TAFA2: variants seen among roughly 807,000 people sequenced by gnomAD.
The protein encoded by TAFA2 is chemokine-like protein TAFA-2.
A neutral mutation model predicts 18.8 loss-of-function variants in TAFA2; 7 were observed. The observed-to-expected ratio is 0.37, with a 90% CI of 0.21 to 0.70. The LOEUF (loss-of-function observed/expected upper bound fraction) is 0.70. Among genes scored for constraint, TAFA2 ranks in the 30% least tolerant of loss-of-function variants. TAFA2 has a pLI of 0.53. For missense variants in TAFA2, 122 were observed against 158.1 expected (o/e 0.77, Z 1.23); for synonymous variants, 60 against 54.2 (o/e 1.11, Z -0.47).
At chr12:61,985,534 C>T (rs762131692) in intron 1 of TAFA2, among the ~76,000 whole-genome samples, 13 of 152,126 alleles carry the variant, frequency 8.5e-5, no homozygotes, top group African/African-American at 1.2e-4. Flanking sequence ...GTCAAATTCT[C>T]AAGTTTCTGA....
chr12:62,084,997 ACTC>A (rs1868393202), intron 1 of TAFA2, among the ~76,000 whole-genome samples: 1 of 151,872 alleles, frequency 6.6e-6, no homozygotes. Flanking sequence ...GAAGAACACT[ACTC>A]CTGCTAAACC....
intron 1 of TAFA2, among the ~76,000 whole-genome samples, chr12:61,979,237 C>T (rs1408751375): frequency 6.6e-6 from 1 of 152,106 alleles, no homozygotes; most frequent in African/African-American, 2.4e-5. Context: ...CACTGCATAG[C>T]ACTTTCCACA....
chr12:61,938,819 T>C (rs1877879693), intron 1 of TAFA2, among the ~76,000 whole-genome samples: 1 of 152,034 alleles, frequency 6.6e-6, no homozygotes, highest in African/African-American at 2.4e-5. Context: ...CAAAACCAAA[T>C]ACCTTATGCT....
chr12:62,071,642 A>G (rs1235447818), intron 1 of TAFA2, among the ~76,000 whole-genome samples: 1 of 152,226 alleles, frequency 6.6e-6, no homozygotes, highest in African/African-American at 2.4e-5. Flanking sequence ...TTGGGACATA[A>G]TAATCCATGG....
At chr12:61,731,067 T>G (rs1870423603) in intron 4 of TAFA2, among the ~76,000 whole-genome samples, 1 of 152,110 alleles carries the variant, frequency 6.6e-6, no homozygotes, top group Non-Finnish European at 1.5e-5. Flanking sequence ...TGAGATAAAG[T>G]CAGAAATGGC....
At chr12:62,138,389 C>A (rs2062215017) in intron 1 of TAFA2, among the ~76,000 whole-genome samples, 1 of 152,138 alleles carries the variant, frequency 6.6e-6, no homozygotes, top group South Asian at 2.1e-4. Context: ...ATTTGATATA[C>A]CTTTAATAGC....
chr12:62,032,690 G>A (rs1372811540), intron 1 of TAFA2, among the ~76,000 whole-genome samples: 2 of 151,922 alleles, frequency 1.3e-5, no homozygotes, highest in East Asian at 1.9e-4. Context: ...AAAATCTGTG[G>A]CTCCTTTTTA....
intron 4 of TAFA2, 45 bp from the exon 5 acceptor site, chr12:61,710,462 G>A (rs570943941): frequency 1.4e-4 from 210 of 1,504,614 alleles, no homozygotes; most frequent in South Asian, 1.0e-3. Context: ...ATAACATACC[G>A]ATAATCTTAA....
Position 61,753,766 on chromosome 12 carries a change from T to C in TAFA2, c.260-20A>G, listed in dbSNP as rs763443717. 6.3e-7 allele frequency: 1 copy of C among 1,585,606 alleles called. No homozygotes were observed. The highest frequency in any genetic ancestry group is 8.6e-7 in the Non-Finnish European group (1 of 1,166,792). On this transcript the variant is annotated intron_variant, in intron 3 of 4. Transcript: ENST00000416284. ...TTGAAGCTATAAGAGAGAAAAAAAATTGACTCAACATTTTTTTCTTGGGAC... is the reference window on the plus strand; with the variant it reads ...TTGAAGCTATAAGAGAGAAAAAAAACTGACTCAACATTTTTTTCTTGGGAC...
intron 1 of TAFA2, among the ~76,000 whole-genome samples, chr12:62,010,577 C>A (rs1880705086): frequency 6.6e-6 from 1 of 151,534 alleles, no homozygotes; most frequent in South Asian, 2.1e-4. Flanking sequence ...CCAGCCGCCA[C>A]CCCGTCTGGG....
intron 1 of TAFA2, among the ~76,000 whole-genome samples, chr12:62,112,190 C>T (rs551129540): frequency 1.3e-5 from 2 of 152,248 alleles, no homozygotes; most frequent in Non-Finnish European, 2.9e-5. Flanking sequence ...CTGGTGGTGA[C>T]AAAATCTCTC....
At chr12:62,171,257 A>G (rs2062476242) in intron 1 of TAFA2, among the ~76,000 whole-genome samples, 1 of 152,194 alleles carries the variant, frequency 6.6e-6, no homozygotes, top group Non-Finnish European at 1.5e-5. Flanking sequence ...AAGAAAGAAC[A>G]TAAATAAGCA....
rs147971424 is a variant in TAFA2, at chr12:62,103,296, T to C, written c.-2+87963A>G. On this transcript the variant is annotated intron_variant, in intron 1 of 4. Coordinates refer to ENST00000416284, the MANE Select transcript of TAFA2 (RefSeq NM_178539.5). ...AAATCTGTAATATTTGCTGTATGTC[T>C]AGCTGGATGTTTTCATTTCCAATTT... Among the ~76,000 whole-genome samples, 14 of 152,358 alleles carry C rather than the reference T, an allele frequency of 9.2e-5. No individual in the cohort carries two copies. The East Asian group carries it at 2.7e-3, about 29-fold the overall frequency.
intron 1 of TAFA2, among the ~76,000 whole-genome samples, chr12:62,175,259 T>C (rs1007892824): frequency 5.3e-5 from 8 of 152,170 alleles, no homozygotes; most frequent in African/African-American, 1.9e-4. Context: ...AACATCTCAT[T>C]GGAAAATTAG....
intron 1 of TAFA2, among the ~76,000 whole-genome samples, chr12:62,058,230 A>C (rs185851915): frequency 2.6e-5 from 4 of 152,250 alleles, no homozygotes; most frequent in African/African-American, 7.2e-5. Context: ...CACTCCCATG[A>C]TGATGGGCCT....
At chr12:61,888,209 A>G (rs1875475215) in intron 1 of TAFA2, among the ~76,000 whole-genome samples, 1 of 152,150 alleles carries the variant, frequency 6.6e-6, no homozygotes, top group African/African-American at 2.4e-5. Flanking sequence ...ATACCATTTG[A>G]CCCAGCCATC....
At chr12:61,908,260 C>A (rs377415503) in intron 1 of TAFA2, among the ~76,000 whole-genome samples, 29 of 152,182 alleles carry the variant, frequency 1.9e-4, no homozygotes, top group African/African-American at 7.0e-4. Context: ...GGGAGGGACC[C>A]AGTGGGAGGT....
At chr12:61,825,589 G>A (rs1872511003) in intron 2 of TAFA2, among the ~76,000 whole-genome samples, 2 of 151,992 alleles carry the variant, frequency 1.3e-5, no homozygotes, top group Non-Finnish European at 2.9e-5. Flanking sequence ...AAGTAGGTTA[G>A]TAGAAAAAAT....
chr12:61,952,136 G>A (rs1025491248), intron 1 of TAFA2, among the ~76,000 whole-genome samples: 3 of 151,982 alleles, frequency 2.0e-5, no homozygotes, highest in Non-Finnish European at 4.4e-5. Context: ...CCAGGTCTCT[G>A]CAAATTCTAT....
Sources: gnomAD v4.1 joint callset for allele counts (sites outside exome capture counted in the v4.1 genomes callset) on GRCh38, gnomAD v4.1.1 for gene constraint, MANE v1.5 for transcripts, NCBI Gene and HGNC (gene_info 2026-07-23, HGNC 2026-07-21) for gene names.